The following COL13A1 variants were observed in gnomAD, a reference collection of about 807,000 sequenced individuals.
COL13A1 encodes the protein collagen alpha-1(XIII) chain.
COL13A1 carries 89 observed loss-of-function variants against 130.9 expected under a neutral mutation model. That is an observed-to-expected ratio of 0.68 (90% CI 0.57 to 0.81). The LOEUF (loss-of-function observed/expected upper bound fraction) is 0.81, where lower values mean the gene tolerates loss of function less well. COL13A1 is among the 30% of genes least tolerant of loss of function. The pLI, the probability that COL13A1 is intolerant of heterozygous loss-of-function variation, is 0.00. For synonymous variants in COL13A1, 402 were observed against 341.6 expected (o/e 1.18, Z -1.95); for missense variants, 879 against 934.6 (o/e 0.94, Z 0.78).
intron 27 of COL13A1, among the ~76,000 whole-genome samples, chr10:69,928,288 A>G (rs1384348238): frequency 6.6e-6 from 1 of 152,148 alleles, no homozygotes; most frequent in African/African-American, 2.4e-5. Flanking sequence ...ATGAGTTTTG[A>G]TAAGTGTATA....
At chr10:69,939,533 T>C (rs1338812959) in intron 34 of COL13A1, among the ~76,000 whole-genome samples, 1 of 152,236 alleles carries the variant, frequency 6.6e-6, no homozygotes, top group Non-Finnish European at 1.5e-5. Context: ...GCTACCATTC[T>C]GTTTCCAGGT....
At chr10:69,831,265 T>G (rs1164415205) in intron 2 of COL13A1, among the ~76,000 whole-genome samples, 1 of 152,182 alleles carries the variant, frequency 6.6e-6, no homozygotes, top group East Asian at 1.9e-4. Context: ...CAGCAATGGT[T>G]CTAACCCTGC....
rs532966713 is a variant in COL13A1 at position 69,806,972 on chromosome 10, A to G, written c.294+4255A>G. On this transcript the variant is annotated intron_variant, in intron 1 of 40. Transcript: ENST00000645393. ...CAGTGAGCTGAGATCGAGCCATTGC[A>G]CTCCAGCCTGGGCGACAGAGCAAGA... Among the ~76,000 whole-genome samples the G allele has an allele frequency of 4.6e-5, 7 of 152,242 alleles. No homozygotes were observed. In the East Asian group the frequency reaches 1.4e-3, roughly 29 times the overall value.
intron 1 of COL13A1, among the ~76,000 whole-genome samples, chr10:69,810,369 AG>A (rs1842694245): frequency 6.8e-6 from 1 of 146,968 alleles, no homozygotes. Flanking sequence ...AGAGAGAGAG[AG>A]AGAGAGAGAG....
Position 69,918,274 on chromosome 10 carries a change from C to G in COL13A1, c.967-11C>G, listed in dbSNP as rs368852351. On this transcript the variant is annotated splice_polypyrimidine_tract_variant and intron_variant, in intron 18 of 40. Coordinates refer to ENST00000645393, the MANE Select transcript of COL13A1 (RefSeq NM_001368882.1). ...AATGTCTTCAGACCTTTTTTTTTCTCTCTCTGCCAGGGGGCGCCCGGAATT... is the reference window on the plus strand; with the variant it reads ...AATGTCTTCAGACCTTTTTTTTTCTGTCTCTGCCAGGGGGCGCCCGGAATT... The G allele has an allele frequency of 2.5e-6, 4 of 1,609,146 alleles. No individual in the cohort carries two copies. Among genetic ancestry groups the G allele is most frequent in the African/African-American group, 2.7e-5 (2 of 74,450 alleles).
intron 1 of COL13A1, among the ~76,000 whole-genome samples, chr10:69,804,394 G>T (rs565365102): frequency 1.3e-4 from 20 of 151,946 alleles, no homozygotes; most frequent in Non-Finnish European, 2.9e-4. Context: ...ATGCCAAGTC[G>T]CATACTCTAG....
chr10:69,837,345 G>C (rs1229760553), intron 2 of COL13A1, among the ~76,000 whole-genome samples: 2 of 152,134 alleles, frequency 1.3e-5, no homozygotes, highest in East Asian at 3.9e-4. Context: ...ATCATTCTTT[G>C]CTCATTGGCA....
intron 1 of COL13A1, among the ~76,000 whole-genome samples, chr10:69,804,466 A>G (rs1057511463): frequency 6.6e-6 from 1 of 152,002 alleles, no homozygotes; most frequent in East Asian, 1.9e-4. Flanking sequence ...CTGCAGCTCC[A>G]TATTTACCCT....
intron 2 of COL13A1, among the ~76,000 whole-genome samples, chr10:69,830,745 T>C (rs1308470043): frequency 6.6e-6 from 1 of 152,202 alleles, no homozygotes; most frequent in Non-Finnish European, 1.5e-5. Context: ...TATTGCGATG[T>C]AATTCCCATA....
intron 1 of COL13A1, among the ~76,000 whole-genome samples, chr10:69,804,377 C>T (rs1307432240): frequency 6.6e-6 from 1 of 152,116 alleles, no homozygotes; most frequent in Non-Finnish European, 1.5e-5. Context: ...CTGCTTCAGA[C>T]TTAGACATGC....
At chr10:69,852,586 C>T (rs1855195513) in intron 2 of COL13A1, among the ~76,000 whole-genome samples, 1 of 152,246 alleles carries the variant, frequency 6.6e-6, no homozygotes, top group Non-Finnish European at 1.5e-5. Flanking sequence ...CCTTGACTGC[C>T]TGTCTGGCTG....
chr10:69,903,384 G>T (rs984108287), intron 15 of COL13A1, among the ~76,000 whole-genome samples: 2 of 152,220 alleles, frequency 1.3e-5, no homozygotes, highest in African/African-American at 4.8e-5. Context: ...GGCCTGCAGG[G>T]TCACTGCCTG....
intron 1 of COL13A1, among the ~76,000 whole-genome samples, chr10:69,803,457 G>T (rs1032030788): frequency 6.6e-6 from 1 of 152,360 alleles, no homozygotes; most frequent in African/African-American, 2.4e-5. Context: ...TCCCCAGGAA[G>T]GAGGGACATG....
chr10:69,945,812 C>T (rs1226364787), intron 37 of COL13A1, 88 bp downstream of exon 37: 9 of 1,510,490 alleles, frequency 6.0e-6, no homozygotes, highest in Non-Finnish European at 7.2e-6. Flanking sequence ...GTGGCTCACA[C>T]CTGTAATCCC....
rs988761337 is a variant in COL13A1, at chr10:69,916,303, C to T, written c.922-986C>T. Among the ~76,000 whole-genome samples, 6 of 152,240 alleles carry T rather than the reference C, an allele frequency of 3.9e-5. No homozygotes were observed. The East Asian group carries it at 7.7e-4, about 20-fold the overall frequency. The stretch of plus-strand genomic sequence containing the variant: ...GATTGTCACACTCTGTGTTGCCCAT[C>T]CACAGCGCTGGCCTTCAGATGGAGG... On this transcript the variant is annotated intron_variant, in intron 17 of 40. Transcript: ENST00000645393.
chr10:69,825,785 A>G (rs1589266219), intron 2 of COL13A1, among the ~76,000 whole-genome samples: 1 of 151,906 alleles, frequency 6.6e-6, no homozygotes, highest in Non-Finnish European at 1.5e-5. Flanking sequence ...TGGGCAGAAA[A>G]CCTGCCTCTT....
Position 69,887,442 on chromosome 10 carries a change from T to A in COL13A1, c.514-14T>A, listed in dbSNP as rs764759001. 6.6e-7 allele frequency: 1 copy of A among 1,509,184 alleles called. No individual in the cohort carries two copies. The highest frequency in any genetic ancestry group is 1.1e-5 in the South Asian group (1 of 87,548). The allele number at this position is 1,509,184 out of a possible 1,614,324, so 93.5% of individuals were successfully genotyped here. The stretch of plus-strand genomic sequence containing the variant: ...TTGCTCAATCTCATGTGTCTCTTGT[T>A]TTTTTTTTTTCAGGGTCAACCAGGA... On this transcript the variant is annotated splice_polypyrimidine_tract_variant and intron_variant, in intron 7 of 40. Coordinates refer to ENST00000645393, the MANE Select transcript of COL13A1 (RefSeq NM_001368882.1).
At position 69,942,817 on chromosome 10, in the gene COL13A1, C is replaced by T. The variant is rs149134537; in HGVS notation, c.1915-1308C>T. ...CGAGGCAAGGCCAGCCACATGACTC[C>T]GTGGCGCTGTGCCCAACCACTGGCC... is the stretch of plus-strand genomic sequence containing the variant. On this transcript the variant is annotated intron_variant, in intron 35 of 40. Transcript: ENST00000645393. Among the ~76,000 whole-genome samples, 597 of 152,328 alleles carry T rather than the reference C, an allele frequency of 3.9e-3. 1 individual carries two copies. The highest frequency in any genetic ancestry group is 0.014 in the Middle Eastern group (4 of 294).
At chr10:69,812,304 TCAAGA>T (rs10577959) in intron 1 of COL13A1, among the ~76,000 whole-genome samples, 12,811 of 152,208 alleles carry the variant, frequency 0.084, 592 homozygotes, top group African/African-American at 0.098. Flanking sequence ...ATTGCTGGGT[TCAAGA>T]CCAGCTCTGC....
Sources: gnomAD v4.1 joint callset for allele counts (sites outside exome capture counted in the v4.1 genomes callset) on GRCh38, gnomAD v4.1.1 for gene constraint, MANE v1.5 for transcripts, NCBI Gene and HGNC (gene_info 2026-07-23, HGNC 2026-07-21) for gene names.